The following IL17B variants were observed in gnomAD, a reference collection of about 807,000 sequenced individuals.
IL17B encodes the protein interleukin-17B.
IL17B carries 14 observed loss-of-function variants against 14.7 expected under a neutral mutation model. The observed-to-expected ratio is 0.95, with a 90% confidence interval of 0.63 to 1.49. IL17B has a LOEUF of 1.49. IL17B is among the 40% of genes most tolerant of loss of function. The probability of loss-of-function intolerance (pLI) is 0.00; values close to 1 mark genes in which losing one functional copy is unlikely to be tolerated. For missense variants in IL17B, 233 were observed against 252.8 expected, an observed-to-expected ratio of 0.92 and a Z score of 0.53; for synonymous variants, 105 against 94.8, an observed-to-expected ratio of 1.11 and a Z score of -0.62.
At chr5:149,386,475 T>C (rs1358707732) in intron 1 of IL17B, among the ~76,000 whole-genome samples, 2 of 152,098 alleles carry the variant, frequency 1.3e-5, no homozygotes, top group African/African-American at 4.8e-5. Context: ...CCCCCTGGAC[T>C]CCCTGCAGGA....
intron 1 of IL17B, among the ~76,000 whole-genome samples, chr5:149,392,947 C>CGTGCGTGTGTGCGTGTGT (rs1554108636): frequency 3.3e-5 from 5 of 149,328 alleles, no homozygotes; most frequent in African/African-American, 1.2e-4. Context: ...TGCGTGTGTG[C>CGTGCGTGTGTGCGTGTGT]GTGCGTGTGT....
chr5:149,389,548 T>C (rs1486393571), intron 1 of IL17B, among the ~76,000 whole-genome samples: 2 of 152,232 alleles, frequency 1.3e-5, no homozygotes, highest in African/African-American at 4.8e-5. Context: ...GGGACCAGAA[T>C]CTACTTCCTT....
upstream of IL17B, chr5:149,379,402 C>A (rs945597513): frequency 1.1e-5 from 8 of 707,422 alleles, no homozygotes; most frequent in African/African-American, 1.4e-4. Context: ...GCTGGCTGAG[C>A]CTAGCGCAGT....
chr5:149,385,215 C>T (rs1465032912), intron 1 of IL17B, among the ~76,000 whole-genome samples: 1 of 151,414 alleles, frequency 6.6e-6, no homozygotes, highest in Non-Finnish European at 1.5e-5. Context: ...ATTAGCCGGA[C>T]GTGGTGGCGC....
intron 1 of IL17B, among the ~76,000 whole-genome samples, chr5:149,395,637 T>A (rs566022783): frequency 5.9e-5 from 9 of 152,360 alleles, no homozygotes; most frequent in Non-Finnish European, 1.3e-4. Context: ...GGAATGCCAA[T>A]GCAGTCAAAT....
upstream of IL17B, among the ~76,000 whole-genome samples, chr5:149,379,447 G>T (rs1350332939): frequency 1.3e-5 from 2 of 152,224 alleles, no homozygotes; most frequent in South Asian, 2.1e-4. Flanking sequence ...CAGGCCAGGA[G>T]CCGAGCTGAG....
At chr5:149,382,853 G>A (rs1270600962), upstream of IL17B, among the ~76,000 whole-genome samples, 3 of 152,232 alleles carry the variant, frequency 2.0e-5, no homozygotes, top group Admixed American at 6.5e-5. Flanking sequence ...CAGGGTGCTC[G>A]TGGGGCACCC....
intron 1 of IL17B, among the ~76,000 whole-genome samples, chr5:149,393,923 C>T (rs1759041407): frequency 6.6e-6 from 1 of 152,156 alleles, no homozygotes; most frequent in Non-Finnish European, 1.5e-5. Flanking sequence ...CTGCAAGACA[C>T]AACACCAAAT....
At chr5:149,376,488 G>A (rs887148530) in intron 2 of IL17B, among the ~76,000 whole-genome samples, 4 of 152,224 alleles carry the variant, frequency 2.6e-5, no homozygotes, top group Admixed American at 2.0e-4. Context: ...TGAGGGCAGT[G>A]CTCTGCATGG....
intron 1 of IL17B, among the ~76,000 whole-genome samples, chr5:149,393,788 G>A (rs530044753): frequency 8.6e-5 from 13 of 152,008 alleles, no homozygotes; most frequent in Non-Finnish European, 1.6e-4. Context: ...TGAACTACCC[G>A]TGGACTTTTC....
intron 1 of IL17B, among the ~76,000 whole-genome samples, chr5:149,395,226 C>T (rs1740159901): frequency 6.6e-6 from 1 of 152,132 alleles, no homozygotes; most frequent in Non-Finnish European, 1.5e-5. Flanking sequence ...CATAGTATTC[C>T]ATGGTGTATA....
At chr5:149,388,543 T>C (rs1176235925) in intron 1 of IL17B, among the ~76,000 whole-genome samples, 3 of 152,230 alleles carry the variant, frequency 2.0e-5, no homozygotes, top group African/African-American at 7.2e-5. Flanking sequence ...TTCCATCTGC[T>C]GACTGCAAAC....
At position 149,374,736 on chromosome 5, in the gene IL17B, C is replaced by T. The variant is rs561043529; in HGVS notation, c.312-136G>A. On this transcript the variant is annotated intron_variant, in intron 2 of 2. Transcript: ENST00000261796. This position sits in a 1 kb window ranked among gnomAD's most constrained non-coding sequence, Gnocchi z 5.0. Reference sequence around the variant, plus strand: ...AGACTGTGTTGGGCTGGAGGAAAGGCAGTAATCAACTCCATGTTCCACGTG... The same window carrying T: ...AGACTGTGTTGGGCTGGAGGAAAGGTAGTAATCAACTCCATGTTCCACGTG... The T allele has an allele frequency of 9.7e-5, 62 of 641,266 alleles. No homozygotes were observed. In the South Asian group the frequency reaches 1.3e-3, roughly 13 times the overall value. The allele number at this position is 641,266 out of a possible 1,614,324, so 39.7% of individuals were successfully genotyped here. A position where few individuals can be genotyped will look rare whatever the true frequency, so the allele number is the denominator to read the frequency against.
chr5:149,404,175 G>A (rs1334774027), exon 1 of IL17B: 1 of 152,066 alleles, frequency 6.6e-6, no homozygotes, highest in Non-Finnish European at 1.5e-5. Context: ...CTCCCAGTCT[G>A]GAAAGAAAAG....
At position 149,374,494 on chromosome 5, in the gene IL17B, T is replaced by C. The variant is rs778562390; in HGVS notation, c.418A>G (p.Ser140Gly). 12 of 1,612,956 alleles carry C rather than the reference T, an allele frequency of 7.4e-6. No individual in the cohort carries two copies. In the African/African-American group the frequency reaches 1.3e-4, roughly 18 times the overall value. Residue 140 changes from serine (S) to glycine (G), a missense_variant, in exon 3 of 3, where the codon AGC becomes GGC. Transcript: ENST00000261796. This position sits in a 1 kb window ranked among gnomAD's most constrained non-coding sequence, Gnocchi z 5.0. ...FTMQEDRSMVSVPVFSQVPVR... is the reference protein window; with the variant it reads ...FTMQEDRSMVGVPVFSQVPVR... ...GGAACCTGGCTGAACACCGGCACGC[T>C]CACCATGCTGCGGTCCTCCTGCATG...
chr5:149,402,952 G>A (rs759539678), intron 1 of IL17B, among the ~76,000 whole-genome samples: 22 of 145,678 alleles, frequency 1.5e-4, no homozygotes, highest in East Asian at 6.0e-4. Context: ...GCAGTGAGCC[G>A]GGATCGCACC....
At chr5:149,389,466 A>G (rs529021968) in intron 1 of IL17B, among the ~76,000 whole-genome samples, 1 of 152,388 alleles carries the variant, frequency 6.6e-6, no homozygotes, top group African/African-American at 2.4e-5. Context: ...TCTCTTTTAC[A>G]GATGGGAAAA....
Position 149,374,717 on chromosome 5 carries a change from T to C in IL17B, c.312-117A>G, listed in dbSNP as rs1409662087. The C allele has an allele frequency of 1.2e-5, 9 of 745,060 alleles. No individual in the cohort carries two copies. Among genetic ancestry groups the C allele is most frequent in the Admixed American group, 5.7e-5 (2 of 35,130 alleles). The allele number at this position is 745,060 out of a possible 1,614,324, so 46.2% of individuals were successfully genotyped here. ...AGTTTTAATTTCCACAGCAAGACTGTGTTGGGCTGGAGGAAAGGCAGTAAT... is the reference window on the plus strand; with the variant it reads ...AGTTTTAATTTCCACAGCAAGACTGCGTTGGGCTGGAGGAAAGGCAGTAAT... On this transcript the variant is annotated intron_variant, in intron 2 of 2. Transcript: ENST00000261796. This position sits in a 1 kb window ranked among gnomAD's most constrained non-coding sequence, Gnocchi z 5.0.
At chr5:149,377,471 TG>T (rs1758576339) in intron 1 of IL17B, among the ~76,000 whole-genome samples, 2 of 152,158 alleles carry the variant, frequency 1.3e-5, no homozygotes, top group South Asian at 2.1e-4. Context: ...ATGGACTCCG[TG>T]GGGGCACGTG....
Sources: gnomAD v4.1 joint callset for allele counts (sites outside exome capture counted in the v4.1 genomes callset) on GRCh38, gnomAD v4.1.1 for gene constraint, Gnocchi (gnomAD v3.1) non-coding constraint, MANE v1.5 for transcripts, NCBI Gene and HGNC (gene_info 2026-07-23, HGNC 2026-07-21) for gene names.